DST: variants seen among roughly 807,000 people sequenced by gnomAD.
The protein encoded by DST is bullous pemphigoid antigen.
DST carries 253 observed loss-of-function variants against 875.2 expected under a neutral mutation model. That is an observed-to-expected ratio of 0.29 (90% CI 0.26 to 0.32). The LOEUF is 0.32. DST is among the 10% of genes least tolerant of loss of function. The pLI, the probability that DST is intolerant of heterozygous loss-of-function variation, is 1.00. For missense variants in DST, 8,287 were observed against 9,111.6 expected, an observed-to-expected ratio of 0.91 and a Z score of 3.68; for synonymous variants, 3,124 against 3,197.1, an observed-to-expected ratio of 0.98 and a Z score of 0.77.
At chr6:56,702,070 C>T (rs2099310785) in intron 7 of DST, 105 bp from the exon 8 acceptor site, 2 of 664,394 alleles carry the variant, frequency 3.0e-6, no homozygotes, top group South Asian at 2.2e-5. Flanking sequence ...ACAGTATTTA[C>T]CGTTTAGGTA....
chr6:56,629,269 G>A lies in DST; in HGVS notation c.4456C>T (p.His1486Tyr). Residue 1486 changes from histidine to tyrosine, a missense_variant, in exon 32 of 104, where the codon CAT (histidine) becomes TAT (tyrosine). Transcript: ENST00000680361. Reference protein sequence around the residue: ...DQLVERWQNVHVQIDNRLRDL... With the variant: ...DQLVERWQNVYVQIDNRLRDL... ...ACTAACCTGTTGTCAATCTGCACAT[G>A]AACATTTTGCCACCTTTCAACTAAT... 1 of 1,613,650 alleles carries A rather than the reference G, an allele frequency of 6.2e-7. No individual in the cohort carries two copies. Among genetic ancestry groups the A allele is most frequent in the Admixed American group, 1.7e-5 (1 of 60,012 alleles).
intron 5 of DST, among the ~76,000 whole-genome samples, chr6:56,715,864 T>C (rs929889078): frequency 1.3e-5 from 2 of 152,200 alleles, no homozygotes; most frequent in East Asian, 3.8e-4. Flanking sequence ...TGAAAATCAT[T>C]TATTGCCCCT....
intron 4 of DST, among the ~76,000 whole-genome samples, chr6:56,746,512 T>C (rs1040703981): frequency 6.6e-6 from 1 of 152,002 alleles, no homozygotes; most frequent in Admixed American, 6.6e-5. Context: ...AAAATTTTAA[T>C]AAAGGAAAAT....
At position 56,504,081 on chromosome 6, in the gene DST, T is replaced by C. The variant is rs1299918883; in HGVS notation, c.19482A>G (p.Val6494=). 2 of 1,608,900 alleles carry C rather than the reference T, an allele frequency of 1.2e-6. No individual in the cohort carries two copies. The highest frequency in any genetic ancestry group is 2.2e-5 in the East Asian group (1 of 44,658). The change falls in exon 78 of 104, where the codon GTA becomes GTG. Residue 6494 remains valine (V), a synonymous_variant. Coordinates refer to ENST00000680361, the MANE Select transcript of DST (RefSeq NM_001374736.1). ...QDGLQAVFDW[V]DIAGGKLASM... ...AAGCTAATTTACCACCTGCAATATC[T>C]ACCCAGTCAAATACCGCCTGAAAGA... is the stretch of plus-strand genomic sequence containing the variant.
chr6:56,515,169 C>T (rs1262217428), intron 72 of DST, among the ~76,000 whole-genome samples: 2 of 152,032 alleles, frequency 1.3e-5, no homozygotes, highest in African/African-American at 2.4e-5. Flanking sequence ...AATCCTATAA[C>T]ATTTTTAAAT....
chr6:56,881,040 G>A (rs1316333351), intron 3 of DST, among the ~76,000 whole-genome samples: 3 of 151,266 alleles, frequency 2.0e-5, no homozygotes, highest in East Asian at 2.0e-4. Flanking sequence ...TAGTAGAGAC[G>A]GGGTTTCACC....
chr6:56,583,579 G>C (rs2098076020), intron 49 of DST, among the ~76,000 whole-genome samples: 1 of 152,212 alleles, frequency 6.6e-6, no homozygotes, highest in South Asian at 2.1e-4. Context: ...TTCTTTTGCT[G>C]TGCAGAAGCT....
At chr6:56,924,375 T>C (rs1433101318) in intron 2 of DST, among the ~76,000 whole-genome samples, 3 of 151,932 alleles carry the variant, frequency 2.0e-5, no homozygotes, top group Non-Finnish European at 2.9e-5. Context: ...TATATGCATA[T>C]TGATCCCCAG....
At chr6:56,569,146 C>A (rs1169452204) in intron 54 of DST, among the ~76,000 whole-genome samples, 1 of 151,686 alleles carries the variant, frequency 6.6e-6, no homozygotes, top group Non-Finnish European at 1.5e-5. Context: ...CATGATGAAA[C>A]CCTGTCTCTA....
chr6:56,657,738 T>C lies in DST; in HGVS notation c.1215-6494A>G, dbSNP rs547611744. ...TAAAACTGATTAAGATGGTAAATTT[T>C]ATGCACCTTATCACAATCTAATTTT... is the stretch of plus-strand genomic sequence containing the variant. On this transcript the variant is annotated intron_variant, in intron 10 of 103. Transcript: ENST00000680361. Among the ~76,000 whole-genome samples, 3 of 152,268 alleles carry C rather than the reference T, an allele frequency of 2.0e-5. No individual in the cohort carries two copies. In the South Asian group the frequency reaches 6.2e-4, roughly 32 times the overall value.
chr6:56,611,684 AGTCAAGACCCAAGTCTATTTTCTGGGT>A (rs2098546608), intron 37 of DST, 88 bp from the exon 38 acceptor site: 2 of 925,114 alleles, frequency 2.2e-6, no homozygotes, highest in Non-Finnish European at 1.6e-6. Flanking sequence ...ATCAAGCTTT[AGTCAAGACCCAAGTCTATTTTCTGGGT>A]GACCCAAGTG....
chr6:56,506,370 C>A, intron 77 of DST, 73 bp downstream of exon 77: 1 of 1,219,182 alleles, frequency 8.2e-7, no homozygotes, highest in Non-Finnish European at 1.1e-6. Flanking sequence ...TGAGGTGGTG[C>A]CAATATGTAG....
At chr6:56,694,037 TCA>T (rs2099248391) in intron 9 of DST, among the ~76,000 whole-genome samples, 1 of 148,776 alleles carries the variant, frequency 6.7e-6, no homozygotes. Flanking sequence ...ATATGTGCAT[TCA>T]TATATATATA....
In DST at chr6:56,607,622, G is replaced by A. The variant is rs2098510165; in HGVS notation, c.7006C>T (p.Pro2336Ser). 1.9e-6 allele frequency: 3 copies of A among 1,613,332 alleles called. No homozygotes were observed. The highest frequency in any genetic ancestry group is 4.5e-5 in the East Asian group (2 of 44,846). ...ATGAGACTGGGAACACACACACTGGGTGAACTGTTAACTTTAGGATCAATT... is the reference window on the plus strand; with the variant it reads ...ATGAGACTGGGAACACACACACTGGATGAACTGTTAACTTTAGGATCAATT... ...ISIDPKVNSS[P>S]SVCVPSLISY... The change falls in exon 40 of 104, where the codon CCC becomes TCC. Residue 2336 changes from proline to serine, a missense_variant. Coordinates refer to ENST00000680361, the MANE Select transcript of DST (RefSeq NM_001374736.1).
chr6:56,812,154 A>AAAAGAAAAG, intron 4 of DST, among the ~76,000 whole-genome samples: 1 of 71,158 alleles, frequency 1.4e-5, no homozygotes, highest in South Asian at 6.6e-4. Flanking sequence ...GAAAAGAAAA[A>AAAAGAAAAG]AGAAAATATT....
intron 23 of DST, 63 bp from the exon 24 acceptor site, chr6:56,635,777 A>G: frequency 2.6e-6 from 4 of 1,562,090 alleles, no homozygotes; most frequent in Non-Finnish European, 3.5e-6. Context: ...CACAGTTGTC[A>G]CACTCCAATA....
chr6:56,585,518 A>T lies in DST; in HGVS notation c.12904-6581T>A, dbSNP rs560159261. ...TTATTAGTCTTGCTAGCAGTCTATC[A>T]ATTTTGTTGATCCTTTCAAAAAACC... On this transcript the variant is annotated intron_variant, in intron 49 of 103. Coordinates refer to ENST00000680361, the MANE Select transcript of DST (RefSeq NM_001374736.1). Among the ~76,000 whole-genome samples the T allele has an allele frequency of 5.4e-3, 826 of 151,680 alleles. 5 individuals are homozygous for T. The highest frequency in any genetic ancestry group is 0.019 in the African/African-American group (784 of 41,298).
intron 10 of DST, among the ~76,000 whole-genome samples, chr6:56,655,512 C>T (rs11966986): frequency 0.16 from 24,131 of 152,082 alleles, 4,705 homozygotes; most frequent in African/African-American, 0.47. Context: ...TCAGAGTCTG[C>T]TGGTTGTGCT....
At chr6:56,941,854 T>G (rs1261982430) in intron 2 of DST, among the ~76,000 whole-genome samples, 2 of 152,190 alleles carry the variant, frequency 1.3e-5, no homozygotes, top group Non-Finnish European at 2.9e-5. Context: ...TTTACCTACG[T>G]TTTTACTGAT....
Sources: allele counts gnomAD v4.1 joint callset (sites outside exome capture counted in the v4.1 genomes callset), GRCh38; gene constraint gnomAD v4.1.1; transcripts MANE v1.5; gene names NCBI Gene and HGNC (gene_info 2026-07-23, HGNC 2026-07-21).